PTPRD: variants seen among roughly 807,000 people sequenced by gnomAD.
PTPRD encodes the protein receptor-type tyrosine-protein phosphatase delta.
Under a neutral mutation model 214.5 loss-of-function variants are expected in PTPRD, and 34 were observed. The observed-to-expected ratio is 0.16, with a 90% CI of 0.12 to 0.21. PTPRD has a LOEUF of 0.21. PTPRD is among the 10% of genes least tolerant of loss of function. The pLI is 1.00. For synonymous variants in PTPRD, 1,128 were observed against 845.7 expected (o/e 1.33, Z -5.79); for missense variants, 2,545 against 2,398.7 (o/e 1.06, Z -1.27).
chr9:8,511,602 C>T (rs1002457582), intron 21 of PTPRD, among the ~76,000 whole-genome samples: 1 of 151,920 alleles, frequency 6.6e-6, no homozygotes, highest in East Asian at 1.9e-4. Flanking sequence ...ATAAAAACAA[C>T]ATATCCAGAC....
At chr9:9,396,484 C>G (rs1322759433) in intron 9 of PTPRD, among the ~76,000 whole-genome samples, 1 of 151,710 alleles carries the variant, frequency 6.6e-6, no homozygotes, top group Non-Finnish European at 1.5e-5. Context: ...TATTTTTTTC[C>G]AACATTTGCT....
At chr9:10,447,200 C>T (rs2098806252) in intron 2 of PTPRD, among the ~76,000 whole-genome samples, 2 of 152,000 alleles carry the variant, frequency 1.3e-5, no homozygotes, top group Admixed American at 1.3e-4. Flanking sequence ...ACAGGAGATC[C>T]ATTTCAGCCT....
At chr9:9,144,386 A>G (rs1016439197) in intron 10 of PTPRD, among the ~76,000 whole-genome samples, 3 of 152,230 alleles carry the variant, frequency 2.0e-5, no homozygotes, top group Non-Finnish European at 4.4e-5. Flanking sequence ...AATCCGAAAT[A>G]GTTCATTTTT....
At chr9:10,123,627 T>C (rs2098793586) in intron 3 of PTPRD, among the ~76,000 whole-genome samples, 1 of 152,184 alleles carries the variant, frequency 6.6e-6, no homozygotes, top group Admixed American at 6.5e-5. Flanking sequence ...GATGGACTTT[T>C]AAAAGATGAG....
At chr9:8,451,465 A>G (rs1469372116) in intron 33 of PTPRD, among the ~76,000 whole-genome samples, 3 of 152,186 alleles carry the variant, frequency 2.0e-5, no homozygotes, top group Non-Finnish European at 2.9e-5. Context: ...GCTGGTGAAA[A>G]AGATATGAGG....
intron 5 of PTPRD, among the ~76,000 whole-genome samples, chr9:9,769,202 G>C (rs2098731316): frequency 1.3e-5 from 2 of 151,918 alleles, no homozygotes; most frequent in South Asian, 4.2e-4. Context: ...AAGCTTACAG[G>C]GTGGACGATA....
intron 7 of PTPRD, among the ~76,000 whole-genome samples, chr9:9,627,413 G>C (rs10977889): frequency 1.3e-5 from 2 of 151,982 alleles, no homozygotes; most frequent in Admixed American, 6.6e-5. Flanking sequence ...TTAATAATTT[G>C]TTACTTTGCT....
At chr9:9,197,164 C>A (rs2099939067) in intron 9 of PTPRD, among the ~76,000 whole-genome samples, 1 of 152,118 alleles carries the variant, frequency 6.6e-6, no homozygotes, top group Non-Finnish European at 1.5e-5. Flanking sequence ...GAGTTATCTT[C>A]ACTTTCTGGA....
intron 5 of PTPRD, among the ~76,000 whole-genome samples, chr9:9,922,268 C>G (rs2082762358): frequency 6.6e-6 from 1 of 152,094 alleles, no homozygotes. Context: ...TCTTCATTCC[C>G]ATCACCTCCC....
chr9:10,336,151 G>A (rs1253516732), intron 3 of PTPRD, among the ~76,000 whole-genome samples: 1 of 151,726 alleles, frequency 6.6e-6, no homozygotes, highest in South Asian at 2.1e-4. Flanking sequence ...GATGTTTCTA[G>A]CAGCTTTATT....
intron 2 of PTPRD, among the ~76,000 whole-genome samples, chr9:10,386,493 T>C (rs1415207410): frequency 6.6e-6 from 1 of 151,828 alleles, no homozygotes; most frequent in Non-Finnish European, 1.5e-5. Context: ...ACTGTGCACA[T>C]GAAACAAACC....
chr9:8,359,577 A>C (rs1264781015), intron 39 of PTPRD, among the ~76,000 whole-genome samples: 2 of 152,022 alleles, frequency 1.3e-5, no homozygotes, highest in Non-Finnish European at 2.9e-5. Context: ...CAAGTACTCC[A>C]CCTGCCTCAG....
chr9:9,926,433 GA>G (rs1248149724), intron 5 of PTPRD, among the ~76,000 whole-genome samples: 1 of 151,992 alleles, frequency 6.6e-6, no homozygotes, highest in African/African-American at 2.4e-5. Flanking sequence ...AAAAAAGGAA[GA>G]TATCAAGGAG....
chr9:8,733,677 A>T, intron 12 of PTPRD, 103 bp downstream of exon 12: 1 of 1,213,482 alleles, frequency 8.2e-7, no homozygotes, highest in Non-Finnish European at 1.2e-6. Flanking sequence ...CTCAGGATTT[A>T]CTTCCAAAGG....
chr9:9,041,502 A>T (rs1293860000), intron 10 of PTPRD, among the ~76,000 whole-genome samples: 1 of 152,150 alleles, frequency 6.6e-6, no homozygotes, highest in Non-Finnish European at 1.5e-5. Flanking sequence ...TGCTAAGGAT[A>T]ATGGCCTCTA....
intron 11 of PTPRD, among the ~76,000 whole-genome samples, chr9:8,756,045 A>G (rs575106525): frequency 3.8e-4 from 58 of 152,228 alleles, no homozygotes; most frequent in Non-Finnish European, 7.3e-4. Flanking sequence ...TCATACTGGT[A>G]GAGGAAAAGA....
At chr9:8,910,280 G>A (rs149641876) in intron 11 of PTPRD, among the ~76,000 whole-genome samples, 3,958 of 151,958 alleles carry the variant, frequency 0.026, 173 homozygotes, top group African/African-American at 0.09. Context: ...CTCGTGATCC[G>A]CCCACCTCAG....
At chr9:10,235,458 T>G (rs7866028) in intron 3 of PTPRD, among the ~76,000 whole-genome samples, 62,162 of 151,716 alleles carry the variant, frequency 0.41, 14,266 homozygotes, top group Admixed American at 0.54. Context: ...TCAGAAAGGG[T>G]GGAACCAGGA....
intron 2 of PTPRD, among the ~76,000 whole-genome samples, chr9:10,595,214 T>C (rs2076334147): frequency 6.6e-6 from 1 of 151,952 alleles, no homozygotes; most frequent in Non-Finnish European, 1.5e-5. Flanking sequence ...CTGTATTAAT[T>C]ATCTAGGCAG....
Sources: gnomAD v4.1 joint callset for allele counts (sites outside exome capture counted in the v4.1 genomes callset) on GRCh38, gnomAD v4.1.1 for gene constraint, MANE v1.5 for transcripts, NCBI Gene and HGNC (gene_info 2026-07-23, HGNC 2026-07-21) for gene names.